ACTR3C: variants seen among roughly 807,000 people sequenced by gnomAD.
ACTR3C encodes actin-related protein 3C.
In ACTR3C, 18 loss-of-function variants were observed where a neutral mutation model predicts 26.3. The ratio of observed to expected loss-of-function variants is 0.68; its 90% CI spans 0.47 to 1.01. The LOEUF (loss-of-function observed/expected upper bound fraction) is 1.01. Ranked by LOEUF, ACTR3C falls within the 50% of genes least tolerant of loss-of-function variation. The pLI is 0.00. For missense variants in ACTR3C, 184 were observed against 250.7 expected, an observed-to-expected ratio of 0.73 and a Z score of 1.80; for synonymous variants, 55 against 94.5, an observed-to-expected ratio of 0.58 and a Z score of 2.42.
the ACTR3C span, among the ~76,000 whole-genome samples, chr7:150,169,625 C>T: frequency 6.6e-6 from 1 of 150,724 alleles, no homozygotes; most frequent in African/African-American, 2.5e-5. Context: ...AGCTAACACA[C>T]TGGAAATTCA....
At chr7:150,217,383 G>T in the ACTR3C span, among the ~76,000 whole-genome samples, 5 of 149,814 alleles carry the variant, frequency 3.3e-5, no homozygotes, top group African/African-American at 1.3e-4. Context: ...AAAGCTCTAA[G>T]CAAAGAAACT....
intron 1 of ACTR3C, among the ~76,000 whole-genome samples, chr7:150,305,844 G>A (rs1417138811): frequency 1.3e-5 from 2 of 152,186 alleles, no homozygotes; most frequent in African/African-American, 4.8e-5. Flanking sequence ...ACGGCCATCA[G>A]AAAGGATAAT....
chr7:150,202,470 T>C, the ACTR3C span, among the ~76,000 whole-genome samples: 2 of 152,188 alleles, frequency 1.3e-5, no homozygotes, highest in African/African-American at 4.8e-5. Context: ...ATTTATTATT[T>C]TGAATTTTAG....
chr7:150,012,317 C>CTTTT, the ACTR3C span, among the ~76,000 whole-genome samples: 19 of 131,272 alleles, frequency 1.4e-4, 5 homozygotes, highest in Middle Eastern at 7.9e-3. Context: ...ATAAATGCAT[C>CTTTT]TTTTTTTTTT....
At chr7:150,188,530 C>A in the ACTR3C span, among the ~76,000 whole-genome samples, 1 of 151,494 alleles carries the variant, frequency 6.6e-6, no homozygotes, top group Non-Finnish European at 1.5e-5. Flanking sequence ...AAGAAACTGA[C>A]AAACTGTTTT....
chr7:150,097,375 G>A, the ACTR3C span, among the ~76,000 whole-genome samples: 1 of 151,552 alleles, frequency 6.6e-6, no homozygotes, highest in African/African-American at 2.4e-5. Flanking sequence ...TGTTATTGGG[G>A]ACACACACAT....
chr7:150,085,855 C>T, the ACTR3C span, among the ~76,000 whole-genome samples: 1 of 152,086 alleles, frequency 6.6e-6, no homozygotes, highest in South Asian at 2.1e-4. Flanking sequence ...CCATAGCAGA[C>T]ACACTCAAAA....
the ACTR3C span, among the ~76,000 whole-genome samples, chr7:150,148,711 T>C: frequency 6.6e-6 from 1 of 152,184 alleles, no homozygotes; most frequent in Non-Finnish European, 1.5e-5. Context: ...TTTGTGTTGT[T>C]AATTCACTGA....
chr7:150,006,718 G>A, the ACTR3C span, among the ~76,000 whole-genome samples: 3 of 151,724 alleles, frequency 2.0e-5, no homozygotes, highest in Non-Finnish European at 4.4e-5. Context: ...GCCTCTGCAG[G>A]CGCCTCTATG....
chr7:149,928,309 G>A, the ACTR3C span, among the ~76,000 whole-genome samples: 3,666 of 148,546 alleles, frequency 0.025, 76 homozygotes, highest in Non-Finnish European at 0.038. Flanking sequence ...CGATCCTCCT[G>A]CCTCAGCCTC....
chr7:150,238,976 T>A (rs1203303902), downstream of ACTR3C, among the ~76,000 whole-genome samples: 1 of 151,588 alleles, frequency 6.6e-6, no homozygotes, highest in Non-Finnish European at 1.5e-5. Flanking sequence ...ACTATATTAA[T>A]TAAATGTTAA....
the ACTR3C span, among the ~76,000 whole-genome samples, chr7:150,205,989 T>C: frequency 6.6e-6 from 1 of 152,154 alleles, no homozygotes; most frequent in Non-Finnish European, 1.5e-5. Flanking sequence ...TTTCTGTCAC[T>C]TTTACGTAAT....
At chr7:150,260,729 C>T (rs1584858424) in intron 6 of ACTR3C, among the ~76,000 whole-genome samples, 1 of 152,234 alleles carries the variant, frequency 6.6e-6, no homozygotes, top group African/African-American at 2.4e-5. Flanking sequence ...CTGTGCTTAC[C>T]ATCATTACGC....
the ACTR3C span, among the ~76,000 whole-genome samples, chr7:150,099,946 A>G: frequency 6.6e-6 from 1 of 151,848 alleles, no homozygotes; most frequent in African/African-American, 2.4e-5. Flanking sequence ...TACGCGAAGA[A>G]GAGCAGCTGG....
the ACTR3C span, among the ~76,000 whole-genome samples, chr7:150,136,299 A>G: frequency 6.6e-6 from 1 of 152,212 alleles, no homozygotes; most frequent in Non-Finnish European, 1.5e-5. Context: ...CGCCAACAAG[A>G]GATGAATGAG....
intron 4 of ACTR3C, among the ~76,000 whole-genome samples, chr7:150,288,859 C>T (rs1381811098): frequency 6.6e-6 from 1 of 150,848 alleles, no homozygotes; most frequent in East Asian, 1.9e-4. Flanking sequence ...GACCTAAAAA[C>T]ACCTCGGGAA....
At chr7:150,148,577 T>C in the ACTR3C span, among the ~76,000 whole-genome samples, 2 of 152,250 alleles carry the variant, frequency 1.3e-5, no homozygotes, top group Non-Finnish European at 2.9e-5. Flanking sequence ...CAGTGTTTAT[T>C]ATGCCCACTT....
chr7:149,979,032 C>T, the ACTR3C span, among the ~76,000 whole-genome samples: 13,183 of 151,820 alleles, frequency 0.087, 347 homozygotes, highest in Non-Finnish European at 0.12. Context: ...CTCAGAAACA[C>T]GGTATGTGTC....
At chr7:150,126,521 A>C in the ACTR3C span, among the ~76,000 whole-genome samples, 2 of 152,226 alleles carry the variant, frequency 1.3e-5, no homozygotes, top group Non-Finnish European at 2.9e-5. Flanking sequence ...GAGCAAGATG[A>C]AGCATGCTTG....
Sources: gnomAD v4.1 joint callset for allele counts (sites outside exome capture counted in the v4.1 genomes callset) on GRCh38, gnomAD v4.1.1 for gene constraint, MANE v1.5 for transcripts, NCBI Gene and HGNC (gene_info 2026-07-23, HGNC 2026-07-21) for gene names.